The following LINGO2 variants were observed in gnomAD, a reference collection of about 807,000 sequenced individuals.
The protein encoded by LINGO2 is leucine rich repeat and Ig domain containing 2, also known as leucine-rich repeat and immunoglobulin-like domain-containing nogo receptor-interacting protein 2.
Under a neutral mutation model 30.6 loss-of-function variants are expected in LINGO2, and 14 were observed. The ratio of observed to expected loss-of-function variants is 0.46; its 90% CI spans 0.30 to 0.72. The LOEUF is 0.72. Among genes scored for constraint, LINGO2 ranks in the 30% least tolerant of loss-of-function variants. LINGO2 has a pLI of 0.07. For missense variants in LINGO2, 729 were observed against 751.7 expected (o/e 0.97, Z 0.35); for synonymous variants, 317 against 288.5 (o/e 1.10, Z -1.00).
At chr9:28,238,518 GA>G (rs1821661870) in intron 4 of LINGO2, among the ~76,000 whole-genome samples, 1 of 152,084 alleles carries the variant, frequency 6.6e-6, no homozygotes, top group African/African-American at 2.4e-5. Context: ...TAAACACATG[GA>G]AATTAAACAA....
the LINGO2 span, among the ~76,000 whole-genome samples, chr9:28,955,922 C>T: frequency 1.3e-5 from 2 of 152,090 alleles, no homozygotes; most frequent in Non-Finnish European, 2.9e-5. Context: ...CATGAACGAC[C>T]ATGCCCAGCC....
At chr9:28,746,448 T>C in the LINGO2 span, among the ~76,000 whole-genome samples, 3 of 152,030 alleles carry the variant, frequency 2.0e-5, no homozygotes, top group South Asian at 2.1e-4. Flanking sequence ...GAAAATTTCA[T>C]ATCTAATTGG....
chr9:29,113,602 T>C, the LINGO2 span, among the ~76,000 whole-genome samples: 1 of 152,182 alleles, frequency 6.6e-6, no homozygotes, highest in African/African-American at 2.4e-5. Context: ...TTGAGCAATC[T>C]TTTCATTTCA....
At chr9:28,152,390 C>A (rs1400490258) in intron 4 of LINGO2, among the ~76,000 whole-genome samples, 1 of 152,144 alleles carries the variant, frequency 6.6e-6, no homozygotes, top group Non-Finnish European at 1.5e-5. Context: ...AGGAAGCACA[C>A]TGAGGCTCTC....
chr9:28,850,050 T>C, the LINGO2 span, among the ~76,000 whole-genome samples: 2 of 152,046 alleles, frequency 1.3e-5, no homozygotes, highest in Admixed American at 6.6e-5. Flanking sequence ...ATACCCACTT[T>C]AGTTCTACGG....
the LINGO2 span, among the ~76,000 whole-genome samples, chr9:29,151,073 A>C: frequency 6.6e-6 from 1 of 152,042 alleles, no homozygotes; most frequent in East Asian, 1.9e-4. Context: ...CTCAGCAGAA[A>C]CCTCATAAGC....
intron 4 of LINGO2, among the ~76,000 whole-genome samples, chr9:28,036,921 G>T (rs1445838705): frequency 1.3e-5 from 2 of 152,302 alleles, no homozygotes; most frequent in African/African-American, 2.4e-5. Context: ...TGGAAAAATA[G>T]AAGGTTCTCA....
At chr9:28,688,126 C>G in the LINGO2 span, among the ~76,000 whole-genome samples, 1 of 152,158 alleles carries the variant, frequency 6.6e-6, no homozygotes, top group Non-Finnish European at 1.5e-5. Context: ...ATGGAAACTT[C>G]ACATACAGAG....
chr9:28,500,919 T>C (rs1235558343), intron 1 of LINGO2, among the ~76,000 whole-genome samples: 1 of 152,114 alleles, frequency 6.6e-6, no homozygotes, highest in Non-Finnish European at 1.5e-5. Context: ...CTAAGGTATT[T>C]CAGCAGTTAA....
chr9:28,696,615 A>G, the LINGO2 span, among the ~76,000 whole-genome samples: 3 of 151,964 alleles, frequency 2.0e-5, no homozygotes, highest in South Asian at 6.2e-4. Context: ...TCTAAAAGAA[A>G]AGTAAGCCAA....
At chr9:28,969,385 A>G in the LINGO2 span, among the ~76,000 whole-genome samples, 1 of 152,198 alleles carries the variant, frequency 6.6e-6, no homozygotes, top group Non-Finnish European at 1.5e-5. Context: ...CTGTGCTGGT[A>G]ACTGAGACTG....
intron 3 of LINGO2, among the ~76,000 whole-genome samples, chr9:28,330,394 A>G (rs1825377583): frequency 6.6e-6 from 1 of 152,148 alleles, no homozygotes; most frequent in South Asian, 2.1e-4. Context: ...GAGCTCCCAT[A>G]TGTCACCCAT....
At chr9:29,037,361 T>A in the LINGO2 span, among the ~76,000 whole-genome samples, 1 of 151,932 alleles carries the variant, frequency 6.6e-6, no homozygotes, top group African/African-American at 2.4e-5. Flanking sequence ...TTTATGTCAA[T>A]TTGTATTATG....
At chr9:28,614,600 G>A (rs1009809279) in intron 1 of LINGO2, among the ~76,000 whole-genome samples, 3 of 152,084 alleles carry the variant, frequency 2.0e-5, no homozygotes, top group African/African-American at 7.2e-5. Flanking sequence ...AGGCTTTAAA[G>A]AGGCAGCTAG....
At chr9:28,665,729 G>T (rs1257897836) in intron 1 of LINGO2, among the ~76,000 whole-genome samples, 1 of 152,048 alleles carries the variant, frequency 6.6e-6, no homozygotes, top group African/African-American at 2.4e-5. Flanking sequence ...TAAACAACTG[G>T]TAAAATTTAA....
chr9:28,889,070 T>C, the LINGO2 span: 1 of 373,024 alleles, frequency 2.7e-6, no homozygotes, highest in Non-Finnish European at 5.5e-6. Flanking sequence ...TGCCTGGTGC[T>C]TGTGATTCTT....
intron 1 of LINGO2, among the ~76,000 whole-genome samples, chr9:28,543,432 C>T (rs1042562380): frequency 5.3e-5 from 8 of 152,028 alleles, no homozygotes; most frequent in Non-Finnish European, 8.8e-5. Flanking sequence ...CGCAAGATCT[C>T]TTCATTTACG....
intron 3 of LINGO2, among the ~76,000 whole-genome samples, chr9:28,328,158 T>C (rs1297327722): frequency 6.6e-6 from 1 of 152,180 alleles, no homozygotes; most frequent in African/African-American, 2.4e-5. Flanking sequence ...AAAGACCCTA[T>C]GGCTCATAGC....
the LINGO2 span, among the ~76,000 whole-genome samples, chr9:29,078,645 T>A: frequency 6.6e-6 from 1 of 151,966 alleles, no homozygotes; most frequent in Non-Finnish European, 1.5e-5. Flanking sequence ...TACATTCGGA[T>A]ATACGTACAC....
Sources: allele counts gnomAD v4.1 joint callset (sites outside exome capture counted in the v4.1 genomes callset), GRCh38; gene constraint gnomAD v4.1.1; transcripts MANE v1.5; gene names NCBI Gene and HGNC (gene_info 2026-07-23, HGNC 2026-07-21).